Variants in IL1RAPL1 observed in about 807,000 individuals in gnomAD.
IL1RAPL1 encodes interleukin 1 receptor accessory protein like 1.
In IL1RAPL1, 3 loss-of-function variants were observed where a neutral mutation model predicts 48.4. The observed-to-expected ratio is 0.06, with a 90% confidence interval of 0.03 to 0.16. The LOEUF is 0.16. IL1RAPL1 is among the 10% of genes least tolerant of loss of function. The probability of loss-of-function intolerance (pLI) is 1.00; values close to 1 mark genes in which losing one functional copy is unlikely to be tolerated. For synonymous variants in IL1RAPL1, 185 were observed against 187.7 expected (o/e 0.99, Z 0.12); for missense variants, 349 against 530.6 (o/e 0.66, Z 3.36).
At chrX:29,027,922 TTG>T (rs751730303) in intron 2 of IL1RAPL1, among the ~76,000 whole-genome samples, 1,211 of 104,513 alleles carry the variant, frequency 0.012, 16 homozygotes, top group African/African-American at 0.033. Flanking sequence ...AGATTTCTTT[TTG>T]TGTGTGTGTG....
At chrX:28,807,439 G>A (rs753589197) in intron 2 of IL1RAPL1, among the ~76,000 whole-genome samples, 1 of 111,763 alleles carries the variant, frequency 8.9e-6, no homozygotes, top group South Asian at 3.7e-4. Flanking sequence ...GAGTGATTAC[G>A]TTGTTGACAT....
intron 6 of IL1RAPL1, among the ~76,000 whole-genome samples, chrX:29,808,270 C>T (rs763360870): frequency 3.2e-4 from 36 of 111,461 alleles, no homozygotes; most frequent in African/African-American, 1.1e-3. Context: ...AACTGGCAAC[C>T]CTTAAAAATA....
At chrX:29,331,489 T>G (rs1932885071) in intron 3 of IL1RAPL1, among the ~76,000 whole-genome samples, 2 of 111,746 alleles carry the variant, frequency 1.8e-5, no homozygotes, top group South Asian at 7.5e-4. Context: ...AGACAAAATA[T>G]CTTGTCAGAG....
intron 6 of IL1RAPL1, among the ~76,000 whole-genome samples, chrX:29,766,342 A>ATAT (rs1555918099): frequency 5.3e-4 from 25 of 47,507 alleles, no homozygotes; most frequent in African/African-American, 1.5e-3. Flanking sequence ...AAAAAAAAAA[A>ATAT]ATATATATAT....
intron 3 of IL1RAPL1, among the ~76,000 whole-genome samples, chrX:29,371,804 G>A (rs181000880): frequency 8.9e-6 from 1 of 112,163 alleles, no homozygotes; most frequent in East Asian, 2.8e-4. Flanking sequence ...AGTATTCTGT[G>A]GTGCATATGT....
chrX:29,469,973 A>G (rs1364529413), intron 5 of IL1RAPL1, among the ~76,000 whole-genome samples: 1 of 112,271 alleles, frequency 8.9e-6, no homozygotes, highest in African/African-American at 3.2e-5. Flanking sequence ...CGTGACTTCA[A>G]TACTTCAGGA....
intron 6 of IL1RAPL1, among the ~76,000 whole-genome samples, chrX:29,759,134 A>G (rs1928693441): frequency 8.9e-6 from 1 of 112,564 alleles, no homozygotes; most frequent in Non-Finnish European, 1.9e-5. Context: ...GTGGCATTTT[A>G]GAAAACCACC....
At chrX:29,893,216 AC>A (rs1569196081) in intron 6 of IL1RAPL1, among the ~76,000 whole-genome samples, 1 of 111,663 alleles carries the variant, frequency 9.0e-6, no homozygotes, top group Non-Finnish European at 1.9e-5. Flanking sequence ...AATTTTTCAC[AC>A]CCAGTTTTGC....
At chrX:29,876,231 C>T (rs1931900605) in intron 6 of IL1RAPL1, among the ~76,000 whole-genome samples, 1 of 111,253 alleles carries the variant, frequency 9.0e-6, no homozygotes, top group Non-Finnish European at 1.9e-5. Context: ...AGAAAATTAC[C>T]ACCAATATGC....
intron 2 of IL1RAPL1, among the ~76,000 whole-genome samples, chrX:29,259,455 C>G (rs1304490214): frequency 9.1e-6 from 1 of 110,147 alleles, no homozygotes; most frequent in Non-Finnish European, 1.9e-5. Context: ...AATTTAGGTG[C>G]TACTTCTACA....
chrX:29,247,178 A>G (rs1205392848), intron 2 of IL1RAPL1, among the ~76,000 whole-genome samples: 2 of 112,300 alleles, frequency 1.8e-5, no homozygotes, highest in African/African-American at 3.2e-5. Context: ...CTAAAAGCAT[A>G]TATGGGTGCC....
intron 5 of IL1RAPL1, among the ~76,000 whole-genome samples, chrX:29,432,363 C>G (rs1281824991): frequency 9.0e-6 from 1 of 111,435 alleles, no homozygotes; most frequent in African/African-American, 3.3e-5. Context: ...ATGTAATCAT[C>G]AAGCAAGATA....
chrX:29,929,066 C>G lies in IL1RAPL1; in HGVS notation c.1057+8972C>G, dbSNP rs150925611. ...TATGAAAAATAATAAATTGGGAGGC[C>G]AATTTGGATAAATTAAAAGTGGATA... On this transcript the variant is annotated intron_variant, in intron 8 of 10. Transcript: ENST00000378993. 7.2e-4 allele frequency among the ~76,000 whole-genome samples: 80 copies of G among 110,832 alleles called. 1 individual carries two copies. The East Asian group carries it at 0.02, about 28-fold the overall frequency.
chrX:28,864,574 CAG>C (rs910488423), intron 2 of IL1RAPL1, among the ~76,000 whole-genome samples: 4 of 110,474 alleles, frequency 3.6e-5, no homozygotes, highest in Non-Finnish European at 7.6e-5. Context: ...GGCATTTGAA[CAG>C]AGAGAGTTCT....
chrX:28,877,688 A>T (rs1053225022), intron 2 of IL1RAPL1, among the ~76,000 whole-genome samples: 4 of 112,013 alleles, frequency 3.6e-5, no homozygotes, highest in Non-Finnish European at 7.5e-5. Flanking sequence ...AGTTAAAATG[A>T]ATCCTAGAGA....
chrX:29,091,186 T>C (rs779710158), intron 2 of IL1RAPL1, among the ~76,000 whole-genome samples: 1 of 112,306 alleles, frequency 8.9e-6, no homozygotes, highest in African/African-American at 3.2e-5. Context: ...CACACACATA[T>C]AAACATAATG....
chrX:29,073,236 G>T (rs958795219), intron 2 of IL1RAPL1, among the ~76,000 whole-genome samples: 4 of 111,889 alleles, frequency 3.6e-5, no homozygotes, highest in African/African-American at 1.3e-4. Context: ...GTAGATAATA[G>T]AAATTATAGA....
chrX:29,079,315 G>C (rs1357121724), intron 2 of IL1RAPL1, among the ~76,000 whole-genome samples: 1 of 111,359 alleles, frequency 9.0e-6, no homozygotes, highest in African/African-American at 3.3e-5. Flanking sequence ...ACTGAATTTT[G>C]GGACCAAAAT....
At position 28,819,208 on chromosome X, in the gene IL1RAPL1, T is replaced by C. The variant is rs1031010896; in HGVS notation, c.82+29783T>C. ...ATTCCCTTAAAGAAGTATAGATGTGTCTGAGAAAATAAAAACCCATGAATC... is the reference window on the plus strand; with the variant it reads ...ATTCCCTTAAAGAAGTATAGATGTGCCTGAGAAAATAAAAACCCATGAATC... On this transcript the variant is annotated intron_variant, in intron 2 of 10. Coordinates refer to ENST00000378993, the MANE Select transcript of IL1RAPL1 (RefSeq NM_014271.4). 3.6e-5 allele frequency among the ~76,000 whole-genome samples: 4 copies of C among 111,122 alleles called. No homozygotes were observed. The East Asian group carries it at 1.1e-3, about 32-fold the overall frequency.
Sources: allele counts gnomAD v4.1 joint callset (sites outside exome capture counted in the v4.1 genomes callset), GRCh38; gene constraint gnomAD v4.1.1; transcripts MANE v1.5; gene names NCBI Gene and HGNC (gene_info 2026-07-23, HGNC 2026-07-21).